Variants in SIM1 observed in about 807,000 individuals in gnomAD.
SIM1 encodes single-minded homolog 1.
SIM1 carries 18 observed loss-of-function variants against 78.2 expected under a neutral mutation model. That is an observed-to-expected ratio of 0.23 (90% CI 0.16 to 0.34). SIM1 has a LOEUF of 0.34. Ranked by LOEUF, SIM1 falls within the 10% of genes least tolerant of loss-of-function variation. The probability of loss-of-function intolerance (pLI) is 1.00; values close to 1 mark genes in which losing one functional copy is unlikely to be tolerated. For synonymous variants in SIM1, 417 were observed against 385.2 expected, an observed-to-expected ratio of 1.08 and a Z score of -0.97; for missense variants, 939 against 975.1, an observed-to-expected ratio of 0.96 and a Z score of 0.49.
rs185768389 is a variant in SIM1, at chr6:100,425,999, C to T, written c.999-5041G>A. ...GCCACACAAACCCTGTTTGGGGCTCCGTAAGGTAACTTTCTCAAGGGCAGT... is the reference window on the plus strand; with the variant it reads ...GCCACACAAACCCTGTTTGGGGCTCTGTAAGGTAACTTTCTCAAGGGCAGT... On this transcript the variant is annotated intron_variant, in intron 9 of 11. Coordinates refer to ENST00000369208, the MANE Select transcript of SIM1 (RefSeq NM_005068.3). Among the ~76,000 whole-genome samples, 34 of 152,278 alleles carry T rather than the reference C, an allele frequency of 2.2e-4. No homozygotes were observed. The East Asian group carries it at 4.2e-3, about 19-fold the overall frequency.
intron 2 of SIM1, 170 bp downstream of exon 2, chr6:100,463,124 G>A: frequency 1.8e-6 from 1 of 556,332 alleles, no homozygotes; most frequent in Non-Finnish European, 3.2e-6. Flanking sequence ...AAAAGCGACA[G>A]AAATTCTGAG....
chr6:100,409,848 GTTAC>G (rs912223248), intron 10 of SIM1, among the ~76,000 whole-genome samples: 3 of 151,938 alleles, frequency 2.0e-5, no homozygotes, highest in South Asian at 2.1e-4. Flanking sequence ...TTTTCCTCCT[GTTAC>G]TTACTGTTAG....
chr6:100,454,837 CA>C (rs1017634629), intron 2 of SIM1, among the ~76,000 whole-genome samples: 1 of 151,942 alleles, frequency 6.6e-6, no homozygotes, highest in Non-Finnish European at 1.5e-5. Flanking sequence ...ACAAAGAAGG[CA>C]AAAAAACTTT....
At chr6:100,454,394 A>G (rs560648816) in intron 2 of SIM1, among the ~76,000 whole-genome samples, 1 of 152,128 alleles carries the variant, frequency 6.6e-6, no homozygotes, top group South Asian at 2.1e-4. Context: ...CCTTCGGAAA[A>G]ATTAGTTCCC....
At position 100,387,752 on chromosome 6, in the gene SIM1, T is replaced by G. The variant is rs1331715104; in HGVS notation, c.*2609A>C. ...TTTTAAAGAGCATTATTCCTTCTGA[T>G]TACTCTCATCTGTGAAATTCATAAT... On this transcript the variant is annotated 3_prime_UTR_variant, in exon 12 of 12. Coordinates refer to ENST00000369208, the MANE Select transcript of SIM1 (RefSeq NM_005068.3). The G allele has an allele frequency of 6.6e-6, 1 of 152,130 alleles. No homozygotes were observed. The highest frequency in any genetic ancestry group is 1.5e-5 in the Non-Finnish European group (1 of 67,966). The allele number at this position is 152,130 out of a possible 1,614,324, so 9.4% of individuals were successfully genotyped here.
At chr6:100,410,933 GC>G (rs1427771629) in intron 10 of SIM1, among the ~76,000 whole-genome samples, 1 of 152,068 alleles carries the variant, frequency 6.6e-6, no homozygotes, top group Non-Finnish European at 1.5e-5. Context: ...CCCTCACAAG[GC>G]CTTTTATGTC....
At chr6:100,394,544 C>A (rs1370136688) in intron 10 of SIM1, among the ~76,000 whole-genome samples, 2 of 152,064 alleles carry the variant, frequency 1.3e-5, no homozygotes, top group Non-Finnish European at 2.9e-5. Flanking sequence ...TAGGTGAGAT[C>A]ACAGGTGTGC....
intron 10 of SIM1, among the ~76,000 whole-genome samples, chr6:100,412,697 A>G (rs1771263510): frequency 1.7e-5 from 2 of 114,404 alleles, no homozygotes; most frequent in African/African-American, 7.1e-5. Context: ...GAAAGAAAGA[A>G]AGAAAGAAAG....
At chr6:100,395,912 T>C (rs1274449882) in intron 10 of SIM1, 3 of 175,056 alleles carry the variant, frequency 1.7e-5, no homozygotes, top group African/African-American at 7.2e-5. Context: ...TCCTTTGCCA[T>C]TTCTAATTAT....
chr6:100,453,644 T>TTGG, intron 3 of SIM1, 118 bp downstream of exon 3: 1 of 682,792 alleles, frequency 1.5e-6, no homozygotes. Context: ...CCTGTTTTTG[T>TTGG]GGGGGGGGTT....
chr6:100,461,825 TTTTC>T (rs201591460), intron 2 of SIM1, among the ~76,000 whole-genome samples: 16 of 128,330 alleles, frequency 1.2e-4, no homozygotes, highest in African/African-American at 4.4e-4. Context: ...TTTCTTCTTT[TTTTC>T]TTTCTTTCTT....
chr6:100,458,052 C>G (rs904889416), intron 2 of SIM1, among the ~76,000 whole-genome samples: 17 of 122,276 alleles, frequency 1.4e-4, no homozygotes, highest in African/African-American at 5.1e-4. Flanking sequence ...CTCTCTCTCT[C>G]TCTCTCTCTC....
At chr6:100,434,721 G>A (rs956138664) in intron 9 of SIM1, among the ~76,000 whole-genome samples, 6 of 152,136 alleles carry the variant, frequency 3.9e-5, no homozygotes, top group Admixed American at 3.9e-4. Context: ...AAGTGGCAAG[G>A]GACTTGGGTT....
chr6:100,397,703 C>T (rs1199193327), intron 10 of SIM1, among the ~76,000 whole-genome samples: 1 of 151,762 alleles, frequency 6.6e-6, no homozygotes, highest in East Asian at 1.9e-4. Flanking sequence ...AAAACTTTTG[C>T]TCCAAAAAAG....
chr6:100,408,773 G>T (rs1562237861), intron 10 of SIM1, among the ~76,000 whole-genome samples: 2 of 152,088 alleles, frequency 1.3e-5, no homozygotes, highest in Non-Finnish European at 2.9e-5. Flanking sequence ...CTTGATCATG[G>T]TGTATGATCC....
chr6:100,392,515 G>T (rs1444896678), intron 11 of SIM1, among the ~76,000 whole-genome samples: 1 of 152,148 alleles, frequency 6.6e-6, no homozygotes, highest in African/African-American at 2.4e-5. Context: ...ATTGCCCTTT[G>T]CTCTGGGTTT....
At position 100,449,230 on chromosome 6, in the gene SIM1, CT is replaced by C. The variant is rs573237419; in HGVS notation, c.543+132del. The stretch of plus-strand genomic sequence containing the variant: ...CGTGGCCCTCGTGGAGAGTCCTGGC[CT>C]GCGGCTCTTCGACGCAAGCTGGGGG... On this transcript the variant is annotated intron_variant, in intron 6 of 11. Coordinates refer to ENST00000369208, the MANE Select transcript of SIM1 (RefSeq NM_005068.3). The C allele has an allele frequency of 6.5e-3, 4,560 of 698,230 alleles. 28 individuals carry two copies. Among genetic ancestry groups the C allele is most frequent in the Non-Finnish European group, 8.2e-3 (3,267 of 398,474 alleles). The allele number at this position is 698,230 out of a possible 1,614,324, so 43.3% of individuals were successfully genotyped here.
intron 10 of SIM1, among the ~76,000 whole-genome samples, chr6:100,417,823 G>T (rs556938496): frequency 1.2e-4 from 19 of 152,252 alleles, no homozygotes; most frequent in African/African-American, 4.6e-4. Context: ...ACTCATCAAT[G>T]ATTGATTTAG....
intron 2 of SIM1, among the ~76,000 whole-genome samples, chr6:100,461,391 T>C (rs1772838691): frequency 6.6e-6 from 1 of 152,180 alleles, no homozygotes; most frequent in African/African-American, 2.4e-5. Flanking sequence ...CTAGCTTCCC[T>C]GGCCGGCCGA....
Sources: gnomAD v4.1 joint callset for allele counts (sites outside exome capture counted in the v4.1 genomes callset) on GRCh38, gnomAD v4.1.1 for gene constraint, MANE v1.5 for transcripts, NCBI Gene and HGNC (gene_info 2026-07-23, HGNC 2026-07-21) for gene names.